Variants in MRC2 observed in about 807,000 individuals in gnomAD.
MRC2 encodes the protein mannose receptor C-type 2, also known as C-type mannose receptor 2.
In MRC2, 84 loss-of-function variants were observed where a neutral mutation model predicts 206.2. That is an observed-to-expected ratio of 0.41 (90% CI 0.34 to 0.49). The LOEUF (loss-of-function observed/expected upper bound fraction) is 0.49. Among genes scored for constraint, MRC2 ranks in the 20% least tolerant of loss-of-function variants. MRC2 has a pLI of 0.31. For missense variants in MRC2, 1,676 were observed against 2,001.5 expected, an observed-to-expected ratio of 0.84 and a Z score of 3.10; for synonymous variants, 798 against 800.0, an observed-to-expected ratio of 1.00 and a Z score of 0.04.
intron 20 of MRC2, among the ~76,000 whole-genome samples, chr17:62,687,963 T>C (rs1598997849): frequency 1.3e-5 from 2 of 151,670 alleles, no homozygotes; most frequent in African/African-American, 2.4e-5. Flanking sequence ...TTCGGAAGGG[T>C]GTTTAGCAGA....
chr17:62,676,345 C>A, intron 10 of MRC2, 38 bp from the exon 11 acceptor site: 1 of 1,609,446 alleles, frequency 6.2e-7, no homozygotes, highest in Admixed American at 1.7e-5. Context: ...GATTGGGAAG[C>A]AGGGAGATCC....
At chr17:62,665,435 G>GA (rs2088740070) in intron 2 of MRC2, among the ~76,000 whole-genome samples, 1 of 147,336 alleles carries the variant, frequency 6.8e-6, no homozygotes, top group African/African-American at 2.5e-5. Context: ...GAAAAGAAAA[G>GA]AAAAAAGAAA....
rs2089064631 is a variant in MRC2 at position 62,688,841 on chromosome 17, C to T, written c.3226-11C>T. 3.7e-6 allele frequency: 6 copies of T among 1,603,180 alleles called. No individual in the cohort carries two copies. Among genetic ancestry groups the T allele is most frequent in the Non-Finnish European group, 5.1e-6 (6 of 1,174,946 alleles). On this transcript the variant is annotated splice_polypyrimidine_tract_variant and intron_variant, in intron 22 of 29. Transcript: ENST00000303375. Reference sequence around the variant, plus strand: ...CTGCTGGGGCTCCCCTGAGCAGCTCCCTCCCCCCAGACCAGCTGTGCAGTG... The same window carrying T: ...CTGCTGGGGCTCCCCTGAGCAGCTCTCTCCCCCCAGACCAGCTGTGCAGTG...
intron 1 of MRC2, among the ~76,000 whole-genome samples, chr17:62,637,343 C>T (rs1456596838): frequency 1.3e-5 from 2 of 151,854 alleles, no homozygotes; most frequent in African/African-American, 4.8e-5. Context: ...CGAGACTAGT[C>T]TGGCCAACAT....
intron 1 of MRC2, among the ~76,000 whole-genome samples, chr17:62,630,407 G>GA (rs2084206963): frequency 6.6e-6 from 1 of 152,204 alleles, no homozygotes; most frequent in African/African-American, 2.4e-5. Flanking sequence ...CTGGAGTGTG[G>GA]ATGCTTCCCG....
chr17:62,651,086 CTT>C (rs764258977), intron 1 of MRC2, among the ~76,000 whole-genome samples: 89 of 142,152 alleles, frequency 6.3e-4, no homozygotes, highest in Admixed American at 5.7e-4. Context: ...TGACAAACAT[CTT>C]TTTTTTTTTT....
At chr17:62,678,139 C>T (rs1438656922) in intron 12 of MRC2, among the ~76,000 whole-genome samples, 1 of 152,226 alleles carries the variant, frequency 6.6e-6, no homozygotes, top group Non-Finnish European at 1.5e-5. Flanking sequence ...GCCTGGTAAT[C>T]TGTATTTTTA....
At chr17:62,682,046 C>A in intron 19 of MRC2, 109 bp downstream of exon 19, 1 of 1,170,990 alleles carries the variant, frequency 8.5e-7, no homozygotes, top group Non-Finnish European at 1.2e-6. Flanking sequence ...GTTCCCACAA[C>A]CCAATAAAGG....
chr17:62,656,400 T>G lies in MRC2; in HGVS notation c.119-8148T>G, dbSNP rs372538568. Among the ~76,000 whole-genome samples, 13 of 152,300 alleles carry G rather than the reference T, an allele frequency of 8.5e-5. No individual in the cohort carries two copies. In the East Asian group the frequency reaches 2.5e-3, roughly 29 times the overall value. On this transcript the variant is annotated intron_variant, in intron 1 of 29. Transcript: ENST00000303375. ...AGAGACGGGATCTCACCATGTTACC[T>G]AGGCTTGTCTTGAACTCCTGGGCTC...
chr17:62,654,267 C>G (rs2088591789), intron 1 of MRC2, among the ~76,000 whole-genome samples: 2 of 152,086 alleles, frequency 1.3e-5, no homozygotes, highest in South Asian at 4.1e-4. Context: ...CCCAGCTTTC[C>G]AGGAGCTAAG....
intron 20 of MRC2, among the ~76,000 whole-genome samples, chr17:62,685,489 A>G (rs549301691): frequency 2.1e-4 from 32 of 152,266 alleles, no homozygotes; most frequent in South Asian, 6.2e-4. Flanking sequence ...ATTCTTAATC[A>G]TCATTGTCAA....
At chr17:62,646,987 A>G (rs1360352097) in intron 1 of MRC2, among the ~76,000 whole-genome samples, 3 of 152,262 alleles carry the variant, frequency 2.0e-5, no homozygotes, top group Middle Eastern at 3.4e-3. Context: ...TCTTGTTTAC[A>G]ATCTAGATAT....
At chr17:62,688,189 G>A in intron 20 of MRC2, 100 bp from the exon 21 acceptor site, 1 of 978,218 alleles carries the variant, frequency 1.0e-6, no homozygotes, top group Non-Finnish European at 1.6e-6. Context: ...GGCCCTCAAA[G>A]GCCCCCCAGG....
chr17:62,633,943 C>T lies in MRC2; in HGVS notation c.118+6023C>T, dbSNP rs941528713. ...TCCAGACCCCAAGAGAGGGAACTCA[C>T]GCAAGAAAGAATTTGAGGCGAATCC... On this transcript the variant is annotated intron_variant, in intron 1 of 29. Coordinates refer to ENST00000303375, the MANE Select transcript of MRC2 (RefSeq NM_006039.5). Among the ~76,000 whole-genome samples the T allele has an allele frequency of 2.7e-5, 4 of 147,304 alleles. No individual in the cohort carries two copies. The South Asian group carries it at 6.4e-4, about 24-fold the overall frequency.
Position 62,667,475 on chromosome 17 carries a change from C to T in MRC2, c.1059C>T (p.Ile353=), listed in dbSNP as rs1337289026. The T allele has an allele frequency of 5.0e-6, 8 of 1,612,660 alleles. No individual in the cohort carries two copies. Among genetic ancestry groups the T allele is most frequent in the Admixed American group, 3.3e-5 (2 of 59,898 alleles). ...GCTGGCAGAACCGTGACTGCAGCAT[C>T]GCGCTGCCCTATGTGTGCAAGAAGA... ...SGGWQNRDCS[I]ALPYVCKKKP... The change falls in exon 6 of 30, where the codon ATC becomes ATT. Residue 353 remains isoleucine (I), a synonymous_variant. Transcript: ENST00000303375. This position sits in a 1 kb window ranked among gnomAD's most constrained non-coding sequence, Gnocchi z 4.1.
Position 62,667,360 on chromosome 17 carries a change from G to A in MRC2, c.974-30G>A. 6 of 1,570,204 alleles carry A rather than the reference G, an allele frequency of 3.8e-6. No homozygotes were observed. Among genetic ancestry groups the A allele is most frequent in the Non-Finnish European group, 5.2e-6 (6 of 1,159,380 alleles). On this transcript the variant is annotated intron_variant, in intron 5 of 29. Transcript: ENST00000303375. The surrounding 1 kb of genome is among the most constrained non-coding windows in gnomAD (Gnocchi z 4.1). ...AGCCACGGTGTGAGCTTCTCTCTCC[G>A]GGGGTGCTGGCGCCCTGCCCTCCCC... is the stretch of plus-strand genomic sequence containing the variant.
chr17:62,650,436 T>A (rs1475308931), intron 1 of MRC2, among the ~76,000 whole-genome samples: 1 of 152,164 alleles, frequency 6.6e-6, no homozygotes, highest in Non-Finnish European at 1.5e-5. Context: ...GAAATCTACA[T>A]TTTTATGTGT....
chr17:62,633,938 AC>A (rs1031974926), intron 1 of MRC2, among the ~76,000 whole-genome samples: 12 of 151,552 alleles, frequency 7.9e-5, no homozygotes, highest in African/African-American at 2.7e-4. Context: ...AAGAGAGGGA[AC>A]TCACGCAAGA....
At chr17:62,686,802 G>A (rs954006713) in intron 20 of MRC2, among the ~76,000 whole-genome samples, 1 of 152,084 alleles carries the variant, frequency 6.6e-6, no homozygotes. Flanking sequence ...ATTTAAGTTG[G>A]GCCTCAGCAT....
Sources: allele counts gnomAD v4.1 joint callset (sites outside exome capture counted in the v4.1 genomes callset), GRCh38; gene constraint gnomAD v4.1.1; non-coding constraint Gnocchi (gnomAD v3.1); transcripts MANE v1.5; gene names NCBI Gene and HGNC (gene_info 2026-07-23, HGNC 2026-07-21).